The following SYNE2 variants were observed in gnomAD, a reference collection of about 807,000 sequenced individuals.
The protein encoded by SYNE2 is spectrin repeat containing nuclear envelope protein 2.
In SYNE2, 431 loss-of-function variants were observed where a neutral mutation model predicts 856.3. That is an observed-to-expected ratio of 0.50 (90% confidence interval 0.47 to 0.55). SYNE2 has a LOEUF of 0.55. SYNE2 is among the 20% of genes least tolerant of loss of function. The pLI is 0.00. For missense variants in SYNE2, 8,129 were observed against 8,023.2 expected, an observed-to-expected ratio of 1.01 and a Z score of -0.50; for synonymous variants, 2,923 against 2,872.3, an observed-to-expected ratio of 1.02 and a Z score of -0.56.
chr14:63,954,884 AT>A lies in SYNE2; in HGVS notation c.758del (p.Leu253Ter). On this transcript the variant is annotated frameshift_variant, in exon 8 of 116. Transcript: ENST00000555002. LOFTEE classifies it high-confidence loss of function. ...AGGCCTTCAGAATTGCAGAACAAGA[AT>A]TAAAAATCCCCAGATTGCTGGAACC... is the stretch of plus-strand genomic sequence containing the variant. ...REAFRIAEQE[L>X]KIPRLLEPED... The A allele has an allele frequency of 1.9e-6, 3 of 1,613,760 alleles. No homozygotes were observed. The highest frequency in any genetic ancestry group is 2.5e-6 in the Non-Finnish European group (3 of 1,179,934).
chr14:63,927,063 C>T (rs2095677044), intron 2 of SYNE2, among the ~76,000 whole-genome samples: 1 of 152,158 alleles, frequency 6.6e-6, no homozygotes, highest in African/African-American at 2.4e-5. Context: ...AGTAAGATGC[C>T]TGAGGCTAGA....
intron 45 of SYNE2, chr14:64,034,694 G>T: frequency 2.3e-6 from 1 of 435,204 alleles, no homozygotes; most frequent in Non-Finnish European, 4.1e-6. Context: ...AGTATGACAG[G>T]TATTTGTGCT....
rs774421754 is a variant in SYNE2, at chr14:64,132,404, G to A, written c.14480G>A (p.Arg4827His). The change falls in exon 77 of 116, where the codon CGC becomes CAC. Residue 4827 changes from arginine (R) to histidine (H), a missense_variant. Around this residue, in one of 3 missense-constraint regions of SYNE2, gnomAD observed 5,410 missense variants for 5,284.8 expected, o/e 1.02. Transcript: ENST00000555002. Reference sequence around the variant, plus strand: ...GTTAAAATACTAGAAGAAAAGTCACGCCAATGTGGTATGAAGCTGCAGAGT... The same window carrying A: ...GTTAAAATACTAGAAGAAAAGTCACACCAATGTGGTATGAAGCTGCAGAGT... ...TEVKILEEKS[R>H]QCGMKLQSLL... is the part of the protein sequence containing the mutation. 2.2e-5 allele frequency: 36 copies of A among 1,614,014 alleles called. No individual in the cohort carries two copies. The highest frequency in any genetic ancestry group is 2.7e-5 in the African/African-American group (2 of 74,906).
intron 1 of SYNE2, among the ~76,000 whole-genome samples, chr14:63,806,899 A>G (rs1046080724): frequency 6.6e-6 from 1 of 151,026 alleles, no homozygotes; most frequent in Non-Finnish European, 1.5e-5. Context: ...TTCAAAAAAG[A>G]ATAGAACATA....
At chr14:64,044,710 C>T (rs2153567020) in intron 45 of SYNE2, among the ~76,000 whole-genome samples, 1 of 152,262 alleles carries the variant, frequency 6.6e-6, no homozygotes, top group East Asian at 1.9e-4. Context: ...GAATGAGTCT[C>T]ATGAGATCTG....
chr14:63,963,527 T>G (rs1367188516), intron 9 of SYNE2, among the ~76,000 whole-genome samples: 1 of 152,216 alleles, frequency 6.6e-6, no homozygotes, highest in Non-Finnish European at 1.5e-5. Context: ...GTGTTTGAGT[T>G]ATTTTTGATG....
chr14:64,128,510 CT>C lies in SYNE2; in HGVS notation c.13979del (p.Leu4660Ter). The C allele has an allele frequency of 6.2e-7, 1 of 1,610,102 alleles. No homozygotes were observed. The highest frequency in any genetic ancestry group is 8.5e-7 in the Non-Finnish European group (1 of 1,176,324). ...LIKSKTSLQQ[S>X]LNEISGQSVA... ...AAGAGTAAGACATCTTTACAACAGTCTTTGAATGAAATCAGTGGGCAGAGTG... is the reference window on the plus strand; with the variant it reads ...AAGAGTAAGACATCTTTACAACAGTCTTGAATGAAATCAGTGGGCAGAGTG... On this transcript the variant is annotated frameshift_variant, in exon 74 of 116. Coordinates refer to ENST00000555002, the MANE Select transcript of SYNE2 (RefSeq NM_182914.3). LOFTEE classifies it high-confidence loss of function.
At chr14:64,014,970 TATATAC>T (rs1333360780) in intron 32 of SYNE2, among the ~76,000 whole-genome samples, 2 of 70,462 alleles carry the variant, frequency 2.8e-5, no homozygotes, top group African/African-American at 9.9e-5. Context: ...TATATATATA[TATATAC>T]ACACACACAC....
chr14:63,940,775 G>T, intron 3 of SYNE2, 100 bp downstream of exon 3: 1 of 1,002,646 alleles, frequency 1.0e-6, no homozygotes, highest in Non-Finnish European at 1.6e-6. Flanking sequence ...TGGTACTGGT[G>T]ATGACAGGGA....
At chr14:64,193,058 G>T (rs1332968066) in intron 99 of SYNE2, among the ~76,000 whole-genome samples, 1 of 152,172 alleles carries the variant, frequency 6.6e-6, no homozygotes, top group East Asian at 1.9e-4. Context: ...ACTTCACCCT[G>T]GGCCTTGTAC....
At chr14:63,944,159 G>A (rs1222699508) in intron 6 of SYNE2, among the ~76,000 whole-genome samples, 2 of 150,736 alleles carry the variant, frequency 1.3e-5, no homozygotes, top group Non-Finnish European at 3.0e-5. Flanking sequence ...TTAGTGTATA[G>A]TCTTTATGAT....
At chr14:64,089,509 A>G in intron 58 of SYNE2, 65 bp from the exon 59 acceptor site, 3 of 1,514,462 alleles carry the variant, frequency 2.0e-6, no homozygotes, top group Non-Finnish European at 2.7e-6. Context: ...TAATGCCAAT[A>G]AACTGTTTTA....
chr14:63,859,264 A>G (rs1414069036), intron 1 of SYNE2, among the ~76,000 whole-genome samples: 1 of 152,224 alleles, frequency 6.6e-6, no homozygotes, highest in Non-Finnish European at 1.5e-5. Flanking sequence ...ATTGAACTCC[A>G]TGAACCAGCT....
At chr14:64,130,285 G>A in intron 76 of SYNE2, 37 bp downstream of exon 76, 2 of 1,537,656 alleles carry the variant, frequency 1.3e-6, no homozygotes, top group African/African-American at 1.4e-5. Context: ...CCCCTTCATA[G>A]ACTAAAATCT....
At chr14:64,076,310 T>C (rs1312001120) in intron 54 of SYNE2, among the ~76,000 whole-genome samples, 1 of 152,228 alleles carries the variant, frequency 6.6e-6, no homozygotes, top group Non-Finnish European at 1.5e-5. Context: ...TATATGTATT[T>C]AATTGTCAAA....
At chr14:63,835,186 C>T (rs1372619928) in intron 1 of SYNE2, among the ~76,000 whole-genome samples, 1 of 151,964 alleles carries the variant, frequency 6.6e-6, no homozygotes, top group East Asian at 1.9e-4. Flanking sequence ...TATTGTAATA[C>T]AGGATTTTAT....
At chr14:64,073,374 C>A (rs905404074) in intron 52 of SYNE2, among the ~76,000 whole-genome samples, 11 of 152,076 alleles carry the variant, frequency 7.2e-5, no homozygotes, top group Non-Finnish European at 1.5e-5. Context: ...AGGAACTGGT[C>A]AAAAATCAAG....
At chr14:64,093,567 C>T in intron 61 of SYNE2, 87 bp downstream of exon 61, 1 of 1,483,044 alleles carries the variant, frequency 6.7e-7, no homozygotes, top group Non-Finnish European at 9.4e-7. Flanking sequence ...TGTCTAGGAG[C>T]CTTTCTAGTG....
Position 64,024,437 on chromosome 14 carries a change from G to C in SYNE2, c.5818G>C (p.Asp1940His). The change falls in exon 39 of 116, where the codon GAC (aspartate) becomes CAC (histidine). Residue 1940 changes from aspartate (D) to histidine (H), a missense_variant. By Grantham distance (81) the Asp-to-His change is moderately conservative. This residue lies in a region of SYNE2 where 2,422 missense variants were observed against 2,357.4 expected (regional missense o/e 1.03). Coordinates refer to ENST00000555002, the MANE Select transcript of SYNE2 (RefSeq NM_182914.3). ...ICQARAKELE[D>H]SLQQLLRLQD... Reference sequence around the variant, plus strand: ...CCAGGCTCGAGCAAAGGAGCTTGAAGACTCCTTGCAGCAGCTACTGAGGTA... The same window carrying C: ...CCAGGCTCGAGCAAAGGAGCTTGAACACTCCTTGCAGCAGCTACTGAGGTA... 1.9e-6 allele frequency: 3 copies of C among 1,614,034 alleles called. No homozygotes were observed. The highest frequency in any genetic ancestry group is 2.5e-6 in the Non-Finnish European group (3 of 1,179,942).
Sources: gnomAD v4.1 joint callset for allele counts (sites outside exome capture counted in the v4.1 genomes callset) on GRCh38, gnomAD v4.1.1 for gene constraint, gnomAD v4.1.1 regional missense constraint, MANE v1.5 for transcripts, NCBI Gene and HGNC (gene_info 2026-07-23, HGNC 2026-07-21) for gene names.